The following NTRK2 variants were observed in gnomAD, a reference collection of about 807,000 sequenced individuals.
NTRK2 encodes the protein BDNF/NT-3 growth factors receptor.
A neutral mutation model predicts 94.5 loss-of-function variants in NTRK2; 13 were observed. The ratio of observed to expected loss-of-function variants is 0.14; its 90% CI spans 0.09 to 0.22. NTRK2 has a LOEUF of 0.22. Ranked by LOEUF, NTRK2 falls within the 10% of genes least tolerant of loss-of-function variation. NTRK2 has a pLI of 1.00. For missense variants in NTRK2, 639 were observed against 1,071.2 expected, an observed-to-expected ratio of 0.60 and a Z score of 5.63; for synonymous variants, 372 against 407.4, an observed-to-expected ratio of 0.91 and a Z score of 1.05.
intron 17 of NTRK2, among the ~76,000 whole-genome samples, chr9:84,969,735 A>C (rs1329593529): frequency 6.6e-6 from 1 of 152,206 alleles, no homozygotes; most frequent in Admixed American, 6.5e-5. Context: ...GCCAATCCTA[A>C]GAGATGCTAA....
chr9:84,700,352 T>C (rs1452337645), intron 2 of NTRK2, among the ~76,000 whole-genome samples: 1 of 152,204 alleles, frequency 6.6e-6, no homozygotes, highest in African/African-American at 2.4e-5. Context: ...TGTTAAAAAT[T>C]GAGCATTCCT....
At chr9:84,874,489 CT>C in intron 14 of NTRK2, 1 of 1,065,842 alleles carries the variant, frequency 9.4e-7, no homozygotes, top group Non-Finnish European at 1.1e-6. Context: ...TCCTGGGGAG[CT>C]GTGATGCTGC....
In NTRK2 at chr9:84,909,120, A is replaced by G. The variant is rs538750748; in HGVS notation, c.1634-25042A>G. Among the ~76,000 whole-genome samples, 57 of 152,244 alleles carry G rather than the reference A, an allele frequency of 3.7e-4. 1 individual carries two copies. The highest frequency in any genetic ancestry group is 1.4e-3 in the African/African-American group (57 of 41,568). ...ATAAACCCCTGGAACCCACTATTCT[A>G]TTCTCCATTTCTATAAGTTTATCAT... On this transcript the variant is annotated intron_variant, in intron 14 of 18. Coordinates refer to ENST00000277120, the MANE Select transcript of NTRK2 (RefSeq NM_006180.6).
intron 17 of NTRK2, among the ~76,000 whole-genome samples, chr9:85,015,497 C>T (rs769194677): frequency 6.6e-6 from 1 of 152,180 alleles, no homozygotes; most frequent in Non-Finnish European, 1.5e-5. Flanking sequence ...TTTCAAGGAA[C>T]ACATTGAGAA....
At chr9:84,873,791 GA>G in intron 14 of NTRK2, 1 of 1,056,738 alleles carries the variant, frequency 9.5e-7, no homozygotes, top group Non-Finnish European at 1.1e-6. Flanking sequence ...TATCAAAAGA[GA>G]AATATCACCC....
At chr9:84,871,732 C>A in intron 14 of NTRK2, 2 of 1,444,472 alleles carry the variant, frequency 1.4e-6, no homozygotes, top group Non-Finnish European at 1.9e-6. Context: ...GCAATCTGAA[C>A]AGGGCTGAAT....
chr9:84,731,471 A>G (rs2132142780), intron 9 of NTRK2, among the ~76,000 whole-genome samples: 1 of 152,318 alleles, frequency 6.6e-6, no homozygotes. Context: ...TTAAAAAAGA[A>G]CTAAGATTTC....
At chr9:84,725,411 A>G (rs2062374333) in intron 8 of NTRK2, among the ~76,000 whole-genome samples, 1 of 152,170 alleles carries the variant, frequency 6.6e-6, no homozygotes, top group African/African-American at 2.4e-5. Flanking sequence ...AACATATGCA[A>G]GCACTTTCAA....
chr9:84,868,511 T>A (rs1381413068), intron 14 of NTRK2, among the ~76,000 whole-genome samples: 1 of 152,212 alleles, frequency 6.6e-6, no homozygotes, highest in African/African-American at 2.4e-5. Context: ...AACAGTATTA[T>A]GAGCTTTTAA....
chr9:85,021,193 A>G lies in NTRK2; in HGVS notation c.2332-59A>G, dbSNP rs1161355364. The stretch of plus-strand genomic sequence containing the variant: ...TCTTCTGCTGTTTTTTTGCACTGAC[A>G]TTTCTTCGATGTGCATTGCTTTTCC... On this transcript the variant is annotated intron_variant, in intron 18 of 18. Coordinates refer to ENST00000277120, the MANE Select transcript of NTRK2 (RefSeq NM_006180.6). 5 of 1,499,446 alleles carry G rather than the reference A, an allele frequency of 3.3e-6. No individual in the cohort carries two copies. In the African/African-American group the frequency reaches 4.1e-5, roughly 12 times the overall value. 92.9% of individuals were successfully genotyped at this position (1,499,446 alleles called of 1,614,324 possible). A position where few individuals can be genotyped will look rare whatever the true frequency, so the allele number is the denominator to read the frequency against.
At chr9:84,992,652 C>G (rs910466339) in intron 17 of NTRK2, among the ~76,000 whole-genome samples, 1 of 152,068 alleles carries the variant, frequency 6.6e-6, no homozygotes. Context: ...CTGCCCAGCC[C>G]ACTCTGATTT....
chr9:84,846,095 A>G (rs1390382158), intron 12 of NTRK2, among the ~76,000 whole-genome samples: 1 of 152,118 alleles, frequency 6.6e-6, no homozygotes, highest in African/African-American at 2.4e-5. Context: ...ACAAGCCTCC[A>G]TTTCATTGCA....
chr9:84,754,325 A>C (rs2064890629), intron 12 of NTRK2, among the ~76,000 whole-genome samples: 1 of 151,776 alleles, frequency 6.6e-6, no homozygotes, highest in African/African-American at 2.4e-5. Context: ...AGAATAGCTT[A>C]CTGTTCTATT....
intron 17 of NTRK2, among the ~76,000 whole-genome samples, chr9:84,959,896 A>G (rs186169857): frequency 2.4e-4 from 36 of 152,286 alleles, no homozygotes; most frequent in Middle Eastern, 3.4e-3. Flanking sequence ...GGTGGTTTGC[A>G]CTGTTTGGTT....
At chr9:84,874,229 T>C in intron 14 of NTRK2, 1 of 1,065,466 alleles carries the variant, frequency 9.4e-7, no homozygotes, top group Non-Finnish European at 1.1e-6. Flanking sequence ...TAGCCTCCTA[T>C]GTTGCTAAGA....
At chr9:84,976,476 C>T (rs1217370671) in intron 17 of NTRK2, among the ~76,000 whole-genome samples, 1 of 152,126 alleles carries the variant, frequency 6.6e-6, no homozygotes, top group Non-Finnish European at 1.5e-5. Context: ...GTTCACAGCA[C>T]CAAGTAACAA....
intron 16 of NTRK2, among the ~76,000 whole-genome samples, chr9:84,954,190 G>A (rs1332652582): frequency 6.6e-6 from 1 of 152,232 alleles, no homozygotes; most frequent in Non-Finnish European, 1.5e-5. Flanking sequence ...CTTTCCCAGA[G>A]AGAAGCCCTT....
chr9:84,930,343 G>T (rs1041212202), intron 14 of NTRK2, among the ~76,000 whole-genome samples: 1 of 152,204 alleles, frequency 6.6e-6, no homozygotes, highest in Non-Finnish European at 1.5e-5. Flanking sequence ...GGAAGGCACT[G>T]GTAGGGTGGA....
chr9:84,879,497 A>C (rs1445123744), intron 14 of NTRK2, among the ~76,000 whole-genome samples: 1 of 152,080 alleles, frequency 6.6e-6, no homozygotes, highest in Non-Finnish European at 1.5e-5. Flanking sequence ...TTTCTACCTA[A>C]TGCTTTTTAT....
Sources: gnomAD v4.1 joint callset for allele counts (sites outside exome capture counted in the v4.1 genomes callset) on GRCh38, gnomAD v4.1.1 for gene constraint, MANE v1.5 for transcripts, NCBI Gene and HGNC (gene_info 2026-07-23, HGNC 2026-07-21) for gene names.